Variants in TMEM132C observed in about 807,000 individuals in gnomAD.
TMEM132C encodes protein phosphatase 1, regulatory subunit 152.
In TMEM132C, 29 loss-of-function variants were observed where a neutral mutation model predicts 61.4. The observed-to-expected ratio is 0.47, with a 90% CI of 0.35 to 0.64. The LOEUF (loss-of-function observed/expected upper bound fraction) is 0.64, where lower values mean the gene tolerates loss of function less well. Among genes scored for constraint, TMEM132C ranks in the 30% least tolerant of loss-of-function variants. The pLI is 0.00. For missense variants in TMEM132C, 1,408 were observed against 1,476.9 expected, an observed-to-expected ratio of 0.95 and a Z score of 0.76; for synonymous variants, 656 against 633.1, an observed-to-expected ratio of 1.04 and a Z score of -0.54.
intron 1 of TMEM132C, among the ~76,000 whole-genome samples, chr12:128,387,674 G>T (rs1874630768): frequency 1.3e-5 from 2 of 152,140 alleles, no homozygotes; most frequent in South Asian, 4.1e-4. Context: ...GCTGGGCATG[G>T]TGGTGGGGGC....
chr12:128,526,041 A>C (rs1873074289), intron 2 of TMEM132C, among the ~76,000 whole-genome samples: 1 of 152,220 alleles, frequency 6.6e-6, no homozygotes, highest in Admixed American at 6.5e-5. Flanking sequence ...CCTTATCTCC[A>C]TATTTCAGAA....
chr12:128,626,820 C>G (rs1251413352), intron 4 of TMEM132C, among the ~76,000 whole-genome samples: 1 of 152,172 alleles, frequency 6.6e-6, no homozygotes, highest in Non-Finnish European at 1.5e-5. Context: ...AAACTTTATT[C>G]TGAGAAAAGA....
intron 1 of TMEM132C, among the ~76,000 whole-genome samples, chr12:128,387,892 G>A (rs1374563893): frequency 6.6e-6 from 1 of 152,242 alleles, no homozygotes; most frequent in Non-Finnish European, 1.5e-5. Flanking sequence ...GCAGGCGGGA[G>A]TCGCCCTGCC....
chr12:128,308,169 C>T (rs1174717566), intron 1 of TMEM132C, among the ~76,000 whole-genome samples: 1 of 152,208 alleles, frequency 6.6e-6, no homozygotes, highest in Non-Finnish European at 1.5e-5. Flanking sequence ...ATGGAAGCAG[C>T]CTATGGTTCT....
chr12:128,467,982 G>T (rs1565944703), intron 2 of TMEM132C, among the ~76,000 whole-genome samples: 3 of 152,232 alleles, frequency 2.0e-5, no homozygotes, highest in Non-Finnish European at 2.9e-5. Context: ...ATAAACATGT[G>T]CTCTGTGATG....
intron 2 of TMEM132C, among the ~76,000 whole-genome samples, chr12:128,437,449 G>C (rs779108314): frequency 3.9e-5 from 6 of 152,118 alleles, no homozygotes; most frequent in Admixed American, 6.5e-5. Context: ...TACTTACCCA[G>C]GATGCCCCAG....
At chr12:128,638,687 A>G (rs1175388886) in intron 4 of TMEM132C, among the ~76,000 whole-genome samples, 1 of 152,210 alleles carries the variant, frequency 6.6e-6, no homozygotes, top group East Asian at 1.9e-4. Context: ...TGACTGGCAC[A>G]CCTTAAATTG....
rs552158804 is a variant in TMEM132C at position 128,698,003 on chromosome 12, A to G, written c.2121+588A>G. On this transcript the variant is annotated intron_variant, in intron 8 of 8. Coordinates refer to ENST00000435159, the MANE Select transcript of TMEM132C (RefSeq NM_001136103.3). Reference sequence around the variant, plus strand: ...TCTTCTCATAAATGCCTTTGCTCACAGCGAATGGGTCTGAATCCGCCCCAT... The same window carrying G: ...TCTTCTCATAAATGCCTTTGCTCACGGCGAATGGGTCTGAATCCGCCCCAT... Among the ~76,000 whole-genome samples, 8 of 152,332 alleles carry G rather than the reference A, an allele frequency of 5.3e-5. 1 individual carries two copies. In the South Asian group the frequency reaches 1.4e-3, roughly 28 times the overall value.
chr12:128,438,894 C>A (rs540251326), intron 2 of TMEM132C: 1 of 152,164 alleles, frequency 6.6e-6, no homozygotes, highest in Non-Finnish European at 1.5e-5. Flanking sequence ...GATCTATGCA[C>A]GCCAATGTAA....
At chr12:128,386,788 G>T (rs575222450) in intron 1 of TMEM132C, among the ~76,000 whole-genome samples, 2 of 152,146 alleles carry the variant, frequency 1.3e-5, no homozygotes, top group African/African-American at 2.4e-5. Flanking sequence ...GTCCTGATGC[G>T]TAGTAGATGC....
intron 1 of TMEM132C, chr12:128,400,222 A>T (rs911161918): frequency 6.6e-6 from 1 of 152,304 alleles, no homozygotes; most frequent in African/African-American, 2.4e-5. Context: ...TCACTGGGCC[A>T]ACCCCTGGGA....
intron 5 of TMEM132C, among the ~76,000 whole-genome samples, chr12:128,674,818 C>G (rs781485881): frequency 6.6e-6 from 1 of 152,112 alleles, no homozygotes; most frequent in African/African-American, 2.4e-5. Flanking sequence ...TCTTTTATCC[C>G]TTGCCTCCCG....
At chr12:128,515,839 A>G (rs879552265) in intron 2 of TMEM132C, among the ~76,000 whole-genome samples, 1 of 152,216 alleles carries the variant, frequency 6.6e-6, no homozygotes, top group Non-Finnish European at 1.5e-5. Context: ...CGTCTCAAAA[A>G]AAAAAAAAAG....
intron 2 of TMEM132C, among the ~76,000 whole-genome samples, chr12:128,420,446 G>C (rs574215555): frequency 7.9e-5 from 12 of 152,292 alleles, no homozygotes; most frequent in African/African-American, 2.9e-4. Context: ...GGCTGAAACA[G>C]AATGGAAGAT....
chr12:128,441,891 A>G (rs1413670842), intron 2 of TMEM132C, among the ~76,000 whole-genome samples: 1 of 152,144 alleles, frequency 6.6e-6, no homozygotes. Flanking sequence ...AATCCCAGCT[A>G]CTTGGGAGGC....
intron 1 of TMEM132C, among the ~76,000 whole-genome samples, chr12:128,361,562 C>G (rs1460467767): frequency 3.3e-5 from 5 of 152,132 alleles, no homozygotes; most frequent in Non-Finnish European, 5.9e-5. Context: ...GAAAAGAGTA[C>G]ACAGTGATTG....
chr12:128,695,584 C>G (rs1483690610), intron 6 of TMEM132C, among the ~76,000 whole-genome samples: 2 of 152,160 alleles, frequency 1.3e-5, no homozygotes, highest in Non-Finnish European at 2.9e-5. Context: ...TGTCCAATGC[C>G]TACTTATGAG....
intron 1 of TMEM132C, among the ~76,000 whole-genome samples, chr12:128,314,308 A>G (rs74322326): frequency 0.33 from 49,966 of 152,054 alleles, 8,631 homozygotes; most frequent in East Asian, 0.46. Flanking sequence ...ATAAGGAACA[A>G]TCTTTAATTG....
intron 1 of TMEM132C, among the ~76,000 whole-genome samples, chr12:128,398,418 A>G (rs888226619): frequency 2.0e-5 from 3 of 152,238 alleles, no homozygotes; most frequent in African/African-American, 7.2e-5. Flanking sequence ...GTCCTTTTGT[A>G]GTTCATAAGG....
Sources: allele counts gnomAD v4.1 joint callset (sites outside exome capture counted in the v4.1 genomes callset), GRCh38; gene constraint gnomAD v4.1.1; transcripts MANE v1.5; gene names NCBI Gene and HGNC (gene_info 2026-07-23, HGNC 2026-07-21).